Variants in GK observed in about 807,000 individuals in gnomAD.
The protein encoded by GK is ATP:glycerol 3-phosphotransferase.
A neutral mutation model predicts 56.4 loss-of-function variants in GK; 9 were observed. That is an observed-to-expected ratio of 0.16 (90% CI 0.10 to 0.28). GK has a LOEUF of 0.28. Among genes scored for constraint, GK ranks in the 10% least tolerant of loss-of-function variants. The probability of loss-of-function intolerance (pLI) is 1.00; values close to 1 mark genes in which losing one functional copy is unlikely to be tolerated. For synonymous variants in GK, 104 were observed against 144.1 expected (o/e 0.72, Z 1.99); for missense variants, 161 against 431.4 (o/e 0.37, Z 5.55).
Position 30,730,034 on chromosome X carries a change from T to A in GK, c.*1292T>A, listed in dbSNP as rs939459323. The A allele has an allele frequency of 8.9e-6, 1 of 112,352 alleles. No individual in the cohort carries two copies. The highest frequency in any genetic ancestry group is 1.9e-5 in the Non-Finnish European group (1 of 53,177). 9.3% of individuals were successfully genotyped at this position (112,352 alleles called of 1,213,427 possible). On this transcript the variant is annotated 3_prime_UTR_variant, in exon 21 of 21. Transcript: ENST00000427190. ...CCTCTGCTTAGTATCTCATTATAAC[T>A]GAAAGAAGGTTTATCATTACAAATA... is the stretch of plus-strand genomic sequence containing the variant.
At chrX:30,721,113 C>A in intron 18 of GK, 118 bp downstream of exon 18, 1 of 717,305 alleles carries the variant, frequency 1.4e-6, no homozygotes, top group South Asian at 2.3e-5. Flanking sequence ...TAAATGTTAT[C>A]ATTGCAGATT....
chrX:30,689,472 A>T (rs1934808874), intron 4 of GK: 1 of 327,713 alleles, frequency 3.1e-6, no homozygotes, highest in Non-Finnish European at 5.9e-6. Flanking sequence ...TGGAAGCAGC[A>T]GTGCAAGGGT....
intron 4 of GK, among the ~76,000 whole-genome samples, chrX:30,689,242 C>T (rs1341609675): frequency 8.9e-6 from 1 of 111,840 alleles, no homozygotes; most frequent in Non-Finnish European, 1.9e-5. Context: ...GAGCCAATAA[C>T]ACCTGCTAGG....
intron 1 of GK, among the ~76,000 whole-genome samples, chrX:30,658,920 A>G (rs1002983281): frequency 8.8e-6 from 1 of 113,019 alleles, no homozygotes; most frequent in African/African-American, 3.2e-5. Context: ...GAACACTTGG[A>G]TTAGAATAGA....
At chrX:30,680,288 A>T (rs1934207449) in intron 4 of GK, among the ~76,000 whole-genome samples, 1 of 112,089 alleles carries the variant, frequency 8.9e-6, no homozygotes, top group African/African-American at 3.2e-5. Context: ...TGTGAAACAG[A>T]TTTTACTACC....
At chrX:30,698,062 G>A in intron 9 of GK, 1 of 218,409 alleles carries the variant, frequency 4.6e-6, no homozygotes, top group Middle Eastern at 1.7e-3. Context: ...GATAGATACA[G>A]TTTGAAATGT....
intron 18 of GK, chrX:30,721,550 C>T (rs1282115472): frequency 1.7e-5 from 2 of 117,634 alleles, no homozygotes; most frequent in East Asian, 2.6e-4. Flanking sequence ...GTGATCCGCC[C>T]GCCTTGGCTT....
At chrX:30,699,209 A>G (rs866552630) in intron 9 of GK, among the ~76,000 whole-genome samples, 16 of 97,318 alleles carry the variant, frequency 1.6e-4, no homozygotes, top group Admixed American at 1.3e-3. Flanking sequence ...TATATGTTAT[A>G]TATATACATG....
intron 3 of GK, among the ~76,000 whole-genome samples, chrX:30,672,578 C>T (rs999574966): frequency 8.9e-6 from 1 of 112,398 alleles, no homozygotes; most frequent in African/African-American, 3.2e-5. Context: ...CTTTGGGAGA[C>T]TGAGGCGGGC....
intron 19 of GK, 89 bp downstream of exon 19, chrX:30,724,270 G>A: frequency 3.5e-6 from 2 of 574,131 alleles, no homozygotes; most frequent in Non-Finnish European, 5.9e-6. Flanking sequence ...TAGCCAGGCT[G>A]CTCTGAAGAA....
In GK at chrX:30,727,562, T is replaced by G. The variant is rs778238242; in HGVS notation, c.1669+10T>G. On this transcript the variant is annotated intron_variant, in intron 20 of 20. Transcript: ENST00000427190. The stretch of plus-strand genomic sequence containing the variant: ...GCAAGGTACATCTCAGGTTAGTTAC[T>G]CTTTAAATTAGACAACTCTATTAGT... 1.9e-6 allele frequency: 2 copies of G among 1,044,013 alleles called. No individual in the cohort carries two copies. Among genetic ancestry groups the G allele is most frequent in the South Asian group, 3.8e-5 (2 of 52,774 alleles). 86.0% of individuals were successfully genotyped at this position (1,044,013 alleles called of 1,213,427 possible).
At chrX:30,687,754 C>G in intron 4 of GK, 1 of 262,700 alleles carries the variant, frequency 3.8e-6, no homozygotes. Context: ...GGGGCTTAGT[C>G]CTCCAGCTTG....
At chrX:30,660,786 G>A (rs1482055801) in intron 1 of GK, among the ~76,000 whole-genome samples, 1 of 102,707 alleles carries the variant, frequency 9.7e-6, no homozygotes, top group African/African-American at 3.5e-5. Flanking sequence ...AAAAGTCTGA[G>A]AACAGATTTT....
intron 3 of GK, among the ~76,000 whole-genome samples, chrX:30,675,281 C>T (rs1359462098): frequency 1.6e-4 from 17 of 107,427 alleles, no homozygotes; most frequent in Admixed American, 3.0e-4. Flanking sequence ...CTGCAAGCTC[C>T]GCCTCCCAGG....
chrX:30,720,806 G>T (rs750693004), intron 17 of GK, 46 bp from the exon 18 acceptor site: 4 of 1,209,316 alleles, frequency 3.3e-6, no homozygotes, highest in Non-Finnish European at 4.5e-6. Context: ...CTAGTTCTTT[G>T]GGCATATGTA....
At chrX:30,654,094 T>A (rs1009491222) in intron 1 of GK, among the ~76,000 whole-genome samples, 1 of 111,763 alleles carries the variant, frequency 8.9e-6, no homozygotes, top group Non-Finnish European at 1.9e-5. Context: ...AGTATTGGAG[T>A]GATGATGCGT....
chrX:30,723,261 G>A (rs1936990339), intron 18 of GK, among the ~76,000 whole-genome samples: 1 of 109,716 alleles, frequency 9.1e-6, no homozygotes, highest in Non-Finnish European at 1.9e-5. Flanking sequence ...TGGGCGTGGT[G>A]GTGGGCGCCT....
chrX:30,723,474 C>G (rs1448259810), intron 18 of GK, among the ~76,000 whole-genome samples: 1 of 111,291 alleles, frequency 9.0e-6, no homozygotes, highest in Non-Finnish European at 1.9e-5. Flanking sequence ...CCCTTTCCCC[C>G]CAAAAAGAAG....
chrX:30,710,226 G>A (rs1188888134), intron 13 of GK, among the ~76,000 whole-genome samples: 1 of 111,272 alleles, frequency 9.0e-6, no homozygotes, highest in African/African-American at 3.3e-5. Context: ...TCAAAGCCTT[G>A]ATGCCTAGGC....
Sources: allele counts gnomAD v4.1 joint callset (sites outside exome capture counted in the v4.1 genomes callset), GRCh38; gene constraint gnomAD v4.1.1; transcripts MANE v1.5; gene names NCBI Gene and HGNC (gene_info 2026-07-23, HGNC 2026-07-21).